Variants in MBNL1 observed in about 807,000 individuals in gnomAD.
MBNL1 encodes the protein muscleblind like splicing regulator 1.
In MBNL1, 8 loss-of-function variants were observed where a neutral mutation model predicts 42.2. The ratio of observed to expected loss-of-function variants is 0.19; its 90% CI spans 0.11 to 0.34. MBNL1 has a LOEUF of 0.34. Among genes scored for constraint, MBNL1 ranks in the 10% least tolerant of loss-of-function variants. The pLI is 1.00. For synonymous variants in MBNL1, 169 were observed against 173.9 expected (o/e 0.97, Z 0.22); for missense variants, 309 against 495.3 (o/e 0.62, Z 3.57).
At chr3:152,356,258 A>G (rs1350362734) in intron 2 of MBNL1, among the ~76,000 whole-genome samples, 4 of 135,662 alleles carry the variant, frequency 2.9e-5, no homozygotes, top group Non-Finnish European at 4.8e-5. Flanking sequence ...CACCCGAAAA[A>G]CTTATTATTC....
intron 2 of MBNL1, among the ~76,000 whole-genome samples, chr3:152,319,920 C>T (rs895924712): frequency 5.3e-5 from 8 of 152,008 alleles, no homozygotes; most frequent in Admixed American, 1.3e-4. Context: ...TCATCAAATG[C>T]AACATCCTTC....
intron 5 of MBNL1, 116 bp downstream of exon 5, chr3:152,445,655 G>A: frequency 9.5e-7 from 1 of 1,049,158 alleles, no homozygotes; most frequent in East Asian, 2.5e-5. Context: ...CTGAAGATAT[G>A]TTTGTTCAGG....
At chr3:152,291,932 C>G (rs1026452954) in intron 1 of MBNL1, among the ~76,000 whole-genome samples, 2 of 152,064 alleles carry the variant, frequency 1.3e-5, no homozygotes, top group Non-Finnish European at 2.9e-5. Flanking sequence ...ACATGCCATG[C>G]CATCATGTGT....
At position 152,299,350 on chromosome 3, in the gene MBNL1, A is replaced by T. The variant is rs151166177; in HGVS notation, c.-789-55A>T. The T allele has an allele frequency of 3.0e-5, 6 of 201,086 alleles. No individual in the cohort carries two copies. The East Asian group carries it at 6.7e-4, about 22-fold the overall frequency. The allele number at this position is 201,086 out of a possible 1,614,324, so 12.5% of individuals were successfully genotyped here. On this transcript the variant is annotated intron_variant, in intron 1 of 9. Transcript: ENST00000324210. ...TCACATGGCAAGGTTGTGATACTGT[A>T]GGACATCAGTGAAGTGCTACTTAGT... is the stretch of plus-strand genomic sequence containing the variant.
chr3:152,392,844 A>G (rs2097776627), intron 2 of MBNL1, among the ~76,000 whole-genome samples: 1 of 152,218 alleles, frequency 6.6e-6, no homozygotes, highest in African/African-American at 2.4e-5. Context: ...TATGAGATGT[A>G]AAAATATTCC....
At chr3:152,284,529 T>C (rs1352064769) in intron 1 of MBNL1, among the ~76,000 whole-genome samples, 1 of 152,086 alleles carries the variant, frequency 6.6e-6, no homozygotes, top group African/African-American at 2.4e-5. Flanking sequence ...CAGCTGTTAA[T>C]TAGGTTGGTG....
At chr3:152,252,334 G>A (rs2034764653) in intron 2 of MBNL1, among the ~76,000 whole-genome samples, 1 of 144,590 alleles carries the variant, frequency 6.9e-6, no homozygotes. Flanking sequence ...CATTCAGGGT[G>A]ATCACAACAC....
At chr3:152,434,765 A>G (rs1337214273) in intron 4 of MBNL1, among the ~76,000 whole-genome samples, 4 of 151,708 alleles carry the variant, frequency 2.6e-5, no homozygotes, top group African/African-American at 9.7e-5. Context: ...GATGGTATCT[A>G]GTGGTTTTGA....
At chr3:152,277,279 C>T (rs2045799836) in intron 1 of MBNL1, among the ~76,000 whole-genome samples, 1 of 152,072 alleles carries the variant, frequency 6.6e-6, no homozygotes, top group African/African-American at 2.4e-5. Context: ...ATAATTTCAA[C>T]GTTAGGCCTA....
At chr3:152,256,821 A>G (rs372833922) in intron 2 of MBNL1, among the ~76,000 whole-genome samples, 26 of 152,328 alleles carry the variant, frequency 1.7e-4, no homozygotes, top group African/African-American at 5.8e-4. Context: ...CAACAAGTAT[A>G]GATTCTTCTA....
chr3:152,449,959 G>T (rs998984928), intron 6 of MBNL1, among the ~76,000 whole-genome samples: 2 of 151,886 alleles, frequency 1.3e-5, no homozygotes, highest in Non-Finnish European at 2.9e-5. Flanking sequence ...CCAAAAATTA[G>T]CCGGATGTGG....
At chr3:152,338,147 G>GT in intron 2 of MBNL1, 1 of 985,238 alleles carries the variant, frequency 1.0e-6, no homozygotes, top group Non-Finnish European at 1.2e-6. Context: ...CTTCATCCGT[G>GT]TTTTTGGCTT....
intron 4 of MBNL1, among the ~76,000 whole-genome samples, chr3:152,434,546 T>C (rs1276906862): frequency 6.6e-6 from 1 of 152,220 alleles, no homozygotes; most frequent in East Asian, 1.9e-4. Flanking sequence ...ATGATTTATA[T>C]TCCTTTGGGT....
intron 2 of MBNL1, among the ~76,000 whole-genome samples, chr3:152,394,716 A>G (rs1259764409): frequency 6.6e-6 from 1 of 152,248 alleles, no homozygotes; most frequent in East Asian, 1.9e-4. Flanking sequence ...TACAGGCATG[A>G]CAAGTACTAT....
At chr3:152,268,832 T>G (rs1236336153), upstream of MBNL1, 1 of 439,698 alleles carries the variant, frequency 2.3e-6, no homozygotes, top group Non-Finnish European at 4.5e-6. Flanking sequence ...GAGTCCGCCC[T>G]GGGCTTCCTG....
At chr3:152,302,250 A>T (rs950907698) in intron 2 of MBNL1, 1 of 152,118 alleles carries the variant, frequency 6.6e-6, no homozygotes, top group South Asian at 2.1e-4. Flanking sequence ...ATCAATGCAA[A>T]CTTTGTCCTT....
chr3:152,330,508 A>T (rs2083619970), intron 2 of MBNL1, among the ~76,000 whole-genome samples: 1 of 152,206 alleles, frequency 6.6e-6, no homozygotes, highest in African/African-American at 2.4e-5. Context: ...ATGCCTATTG[A>T]AATAAAAAAT....
chr3:152,349,677 A>G (rs2094710411), intron 2 of MBNL1, among the ~76,000 whole-genome samples: 1 of 152,102 alleles, frequency 6.6e-6, no homozygotes, highest in African/African-American at 2.4e-5. Flanking sequence ...CAATAAAATT[A>G]CATAGCCCAC....
intron 2 of MBNL1, among the ~76,000 whole-genome samples, chr3:152,342,547 A>G (rs1373235346): frequency 1.0e-5 from 1 of 98,292 alleles, no homozygotes; most frequent in Non-Finnish European, 2.0e-5. Flanking sequence ...CTGGGAAACT[A>G]AACAAAACAC....
Sources: gnomAD v4.1 joint callset for allele counts (sites outside exome capture counted in the v4.1 genomes callset) on GRCh38, gnomAD v4.1.1 for gene constraint, MANE v1.5 for transcripts, NCBI Gene and HGNC (gene_info 2026-07-23, HGNC 2026-07-21) for gene names.